The following CNTN6 variants were observed in gnomAD, a reference collection of about 807,000 sequenced individuals.
CNTN6 encodes the protein contactin 6, also known as contactin-6.
A neutral mutation model predicts 122.8 loss-of-function variants in CNTN6; 137 were observed. The observed-to-expected ratio is 1.12, with a 90% CI of 0.97 to 1.29. CNTN6 has a LOEUF of 1.29. Ranked by LOEUF, CNTN6 falls within the 50% of genes most tolerant of loss-of-function variation. The pLI is 0.00. For synonymous variants in CNTN6, 570 were observed against 426.0 expected (o/e 1.34, Z -4.16); for missense variants, 1,634 against 1,223.4 (o/e 1.34, Z -5.01).
At chr3:1,328,435 A>T (rs17037791) in intron 10 of CNTN6, among the ~76,000 whole-genome samples, 12,597 of 151,842 alleles carry the variant, frequency 0.083, 649 homozygotes, top group Non-Finnish European at 0.12. Flanking sequence ...TTATGAGCTT[A>T]TGGGTGATGA....
intron 20 of CNTN6, among the ~76,000 whole-genome samples, chr3:1,398,878 G>C (rs1695307818): frequency 6.6e-6 from 1 of 152,076 alleles, no homozygotes; most frequent in South Asian, 2.1e-4. Context: ...CACTCCGAAT[G>C]CAACTCTTCT....
At chr3:1,199,209 C>A (rs1208356364) in intron 2 of CNTN6, among the ~76,000 whole-genome samples, 1 of 141,190 alleles carries the variant, frequency 7.1e-6, no homozygotes, top group African/African-American at 2.7e-5. Flanking sequence ...GACAAGGTCT[C>A]CCTCTGTCAC....
At chr3:1,160,025 TG>T (rs975188718) in intron 2 of CNTN6, among the ~76,000 whole-genome samples, 1 of 152,096 alleles carries the variant, frequency 6.6e-6, no homozygotes, top group African/African-American at 2.4e-5. Flanking sequence ...TTCATCATGT[TG>T]GCCAGGCTGG....
intron 11 of CNTN6, among the ~76,000 whole-genome samples, chr3:1,331,160 T>G (rs1419312815): frequency 6.6e-6 from 1 of 151,932 alleles, no homozygotes; most frequent in Non-Finnish European, 1.5e-5. Context: ...ATCCATTCCA[T>G]TTACACAATG....
intron 1 of CNTN6, among the ~76,000 whole-genome samples, chr3:1,097,653 T>G (rs1415450915): frequency 6.6e-6 from 1 of 152,136 alleles, no homozygotes; most frequent in African/African-American, 2.4e-5. Flanking sequence ...TCTTTGTACT[T>G]CAGTTTCCCC....
At chr3:1,193,861 A>G (rs1217092813) in intron 2 of CNTN6, among the ~76,000 whole-genome samples, 1 of 152,170 alleles carries the variant, frequency 6.6e-6, no homozygotes, top group African/African-American at 2.4e-5. Context: ...AGTGATCTTA[A>G]GTGTTCAGAT....
intron 7 of CNTN6, among the ~76,000 whole-genome samples, chr3:1,304,232 C>G (rs1306926645): frequency 6.6e-6 from 1 of 152,302 alleles, no homozygotes; most frequent in Middle Eastern, 3.4e-3. Context: ...TTTATTTCCC[C>G]TCTTTCAGGA....
At chr3:1,155,800 C>A (rs950989188) in intron 2 of CNTN6, among the ~76,000 whole-genome samples, 1 of 151,780 alleles carries the variant, frequency 6.6e-6, no homozygotes, top group Admixed American at 6.6e-5. Context: ...CCTCTCCCCC[C>A]AAGACATTTG....
At chr3:1,245,924 A>T (rs1352295050) in intron 4 of CNTN6, among the ~76,000 whole-genome samples, 2 of 151,952 alleles carry the variant, frequency 1.3e-5, no homozygotes, top group Admixed American at 6.6e-5. Flanking sequence ...TAAAAAAAAA[A>T]TTGCAAAAAA....
At chr3:1,325,569 T>A (rs1430401086) in intron 8 of CNTN6, among the ~76,000 whole-genome samples, 2 of 151,840 alleles carry the variant, frequency 1.3e-5, no homozygotes, top group Non-Finnish European at 2.9e-5. Context: ...CAAGTTGTTA[T>A]ACAGGTGGAG....
chr3:1,384,768 T>TACAC lies in CNTN6; in HGVS notation c.2518-841_2518-838dup, dbSNP rs200617372. Among the ~76,000 whole-genome samples the TACAC allele has an allele frequency of 9.6e-5, 12 of 125,334 alleles. No homozygotes were observed. In the South Asian group the frequency reaches 1.0e-3, roughly 11 times the overall value. The allele number at this position is 125,334 out of a possible 152,430, so 82.2% of individuals were successfully genotyped here. On this transcript the variant is annotated intron_variant, in intron 19 of 22. Coordinates refer to ENST00000446702, the MANE Select transcript of CNTN6 (RefSeq NM_001289080.2). ...ATATACACATATATATACATATATA[T>TACAC]ACACATATATATATATATATATATA...
chr3:1,290,410 G>A (rs1212815600), intron 5 of CNTN6, among the ~76,000 whole-genome samples: 2 of 152,152 alleles, frequency 1.3e-5, no homozygotes, highest in Non-Finnish European at 2.9e-5. Flanking sequence ...TGTGGAGCTT[G>A]GGAGTTTTGA....
chr3:1,398,806 A>T (rs1695297568), intron 20 of CNTN6, among the ~76,000 whole-genome samples: 1 of 152,138 alleles, frequency 6.6e-6, no homozygotes, highest in African/African-American at 2.4e-5. Flanking sequence ...CATCTCCCAG[A>T]GAGCAAGAGA....
At chr3:1,130,261 T>C (rs2092301765) in intron 1 of CNTN6, among the ~76,000 whole-genome samples, 1 of 152,026 alleles carries the variant, frequency 6.6e-6, no homozygotes, top group Non-Finnish European at 1.5e-5. Flanking sequence ...ATGCTGTCTA[T>C]GCCCTTAGTG....
At chr3:1,380,770 A>C (rs1222649647) in intron 17 of CNTN6, among the ~76,000 whole-genome samples, 2 of 152,216 alleles carry the variant, frequency 1.3e-5, no homozygotes, top group Non-Finnish European at 2.9e-5. Flanking sequence ...TGCATGCCAG[A>C]TGTGGCTAGA....
chr3:1,112,521 T>C lies in CNTN6; in HGVS notation c.-83+19401T>C, dbSNP rs569604441. 9.2e-5 allele frequency among the ~76,000 whole-genome samples: 14 copies of C among 152,218 alleles called. No individual in the cohort carries two copies. In the East Asian group the frequency reaches 2.7e-3, roughly 29 times the overall value. On this transcript the variant is annotated intron_variant, in intron 1 of 22. Coordinates refer to ENST00000446702, the MANE Select transcript of CNTN6 (RefSeq NM_001289080.2). ...AGTTTCAATGTCGGAGGCAGGAGAC[T>C]AGTGTAGCCCAGCTCTGGAGGCAGA...
intron 1 of CNTN6, among the ~76,000 whole-genome samples, chr3:1,127,307 G>A (rs2125085063): frequency 6.6e-6 from 1 of 151,764 alleles, no homozygotes; most frequent in South Asian, 2.1e-4. Context: ...AATGTTACTA[G>A]TATATACCAA....
chr3:1,334,195 T>C (rs1347743258), intron 11 of CNTN6, among the ~76,000 whole-genome samples: 1 of 152,148 alleles, frequency 6.6e-6, no homozygotes, highest in Non-Finnish European at 1.5e-5. Flanking sequence ...ATGCAACATC[T>C]GTCTCATTCT....
intron 2 of CNTN6, among the ~76,000 whole-genome samples, chr3:1,190,802 A>T: frequency 6.6e-6 from 1 of 152,070 alleles, no homozygotes; most frequent in East Asian, 1.9e-4. Flanking sequence ...CTATCTAGGG[A>T]TCCCCTTCTG....
Sources: gnomAD v4.1 joint callset for allele counts (sites outside exome capture counted in the v4.1 genomes callset) on GRCh38, gnomAD v4.1.1 for gene constraint, MANE v1.5 for transcripts, NCBI Gene and HGNC (gene_info 2026-07-23, HGNC 2026-07-21) for gene names.